Variants in TNK1 observed in about 807,000 individuals in gnomAD.
The protein encoded by TNK1 is non-receptor tyrosine-protein kinase TNK1.
Under a neutral mutation model 65.2 loss-of-function variants are expected in TNK1, and 53 were observed. The observed-to-expected ratio is 0.81, with a 90% CI of 0.65 to 1.02. The LOEUF (loss-of-function observed/expected upper bound fraction) is 1.02, where lower values mean the gene tolerates loss of function less well. Ranked by LOEUF, TNK1 falls within the 50% of genes least tolerant of loss-of-function variation. The pLI, the probability that TNK1 is intolerant of heterozygous loss-of-function variation, is 0.00. For synonymous variants in TNK1, 353 were observed against 364.6 expected, an observed-to-expected ratio of 0.97 and a Z score of 0.36; for missense variants, 837 against 878.4, an observed-to-expected ratio of 0.95 and a Z score of 0.60.
In TNK1 at chr17:7,382,739, A is replaced by C; in HGVS notation, c.-91-97A>C. ...GTACCCGGATGCCTGGGCACGGGGA[A>C]CATTCTATCTGGGATTTGTGTGCGT... is the stretch of plus-strand genomic sequence containing the variant. On this transcript the variant is annotated intron_variant, in intron 1 of 12. Transcript: ENST00000688331. This position sits in a 1 kb window ranked among gnomAD's most constrained non-coding sequence, Gnocchi z 4.1. 3.1e-6 allele frequency: 2 copies of C among 643,520 alleles called. No homozygotes were observed. Among genetic ancestry groups the C allele is most frequent in the East Asian group, 2.8e-5 (1 of 35,616 alleles). 39.9% of individuals were successfully genotyped at this position (643,520 alleles called of 1,614,324 possible).
rs1341441450 is a variant in TNK1 at position 7,384,770 on chromosome 17, C to T, written c.1137+16C>T. On this transcript the variant is annotated intron_variant, in intron 7 of 12. Coordinates refer to ENST00000688331, the MANE Select transcript of TNK1 (RefSeq NM_003985.6). The stretch of plus-strand genomic sequence containing the variant: ...GCTGCAAGAGGTGGGAACCCCCGAC[C>T]TCACCAGATACACAGTCCCTCTTCC... The T allele has an allele frequency of 5.1e-6, 8 of 1,560,910 alleles. No homozygotes were observed. The highest frequency in any genetic ancestry group is 6.9e-6 in the Non-Finnish European group (8 of 1,160,456).
Position 7,384,685 on chromosome 17 carries a change from C to T in TNK1, c.1068C>T (p.Ala356=). The T allele has an allele frequency of 6.3e-7, 1 of 1,596,718 alleles. No homozygotes were observed. The highest frequency in any genetic ancestry group is 8.5e-7 in the Non-Finnish European group (1 of 1,173,230). ...PLCSRALYSL[A]LRCWAPHPAD... ...GCTCCAGGGCCCTCTACTCCCTCGC[C>T]TTGCGCTGCTGGGCCCCCCACCCTG... The change falls in exon 7 of 13, where the codon GCC becomes GCT. Residue 356 remains alanine, a synonymous_variant. Coordinates refer to ENST00000688331, the MANE Select transcript of TNK1 (RefSeq NM_003985.6).
chr17:7,387,037 T>C lies in TNK1; in HGVS notation c.1280T>C (p.Val427Ala), dbSNP rs2143143556. 4 of 1,605,706 alleles carry C rather than the reference T, an allele frequency of 2.5e-6. No homozygotes were observed. The highest frequency in any genetic ancestry group is 1.1e-5 in the South Asian group (1 of 89,266). Residue 427 changes from valine (V) to alanine (A), a missense_variant, in exon 9 of 13, where the codon GTG becomes GCG. Transcript: ENST00000688331. The stretch of plus-strand genomic sequence containing the variant: ...GGCCAGAATGGTCGCACCTTCAAAG[T>C]GGGCAGCTTCCCAGCCTCGGCAGTG... ...WKGQNGRTFK[V>A]GSFPASAVTL... is the part of the protein sequence containing the mutation.
Position 7,388,748 on chromosome 17 carries a change from G to A in TNK1, c.1777-40G>A. ...GGCCTGGTGTCCAGAAGGGGCTACA[G>A]GCAGGGGCAGGGGCCTGAGTGAGGC... On this transcript the variant is annotated intron_variant, in intron 11 of 12. Coordinates refer to ENST00000688331, the MANE Select transcript of TNK1 (RefSeq NM_003985.6). The surrounding 1 kb of genome is among the most constrained non-coding windows in gnomAD (Gnocchi z 4.5). The A allele has an allele frequency of 6.2e-7, 1 of 1,604,348 alleles. No individual in the cohort carries two copies. Among genetic ancestry groups the A allele is most frequent in the Non-Finnish European group, 8.5e-7 (1 of 1,174,702 alleles).
In TNK1 at chr17:7,384,895, A is replaced by C. The variant is rs568748721; in HGVS notation, c.1137+141A>C. On this transcript the variant is annotated intron_variant, in intron 7 of 12. Transcript: ENST00000688331. ...TCTGAGCAAAACAGATGCAGTCCCT[A>C]CCTGCAGGGAGATCAGAGCCCTGGG... The C allele has an allele frequency of 3.5e-6, 4 of 1,159,402 alleles. No individual in the cohort carries two copies. In the African/African-American group the frequency reaches 4.6e-5, roughly 13 times the overall value. The allele number at this position is 1,159,402 out of a possible 1,614,324, so 71.8% of individuals were successfully genotyped here. A position where few individuals can be genotyped will look rare whatever the true frequency, so the allele number is the denominator to read the frequency against.
chr17:7,383,031 A>G lies in TNK1; in HGVS notation c.105A>G (p.Pro35=). ...PILEELNVTR[P]EHFDFVKPED... ...TTGAGGAGCTTAATGTCACTCGGCC[A>G]GAGCACTTCGACTTTGTAAAGCCTG... The change falls in exon 2 of 13, where the codon CCA becomes CCG. Residue 35 remains proline (P), a synonymous_variant. Transcript: ENST00000688331. The G allele has an allele frequency of 1.2e-6, 2 of 1,614,046 alleles. No individual in the cohort carries two copies. Among genetic ancestry groups the G allele is most frequent in the Non-Finnish European group, 8.5e-7 (1 of 1,179,888 alleles).
intron 1 of TNK1, among the ~76,000 whole-genome samples, chr17:7,381,961 TC>T (rs1904839416): frequency 1.3e-5 from 2 of 152,218 alleles, no homozygotes; most frequent in South Asian, 4.1e-4. Context: ...TGCTGAAATG[TC>T]TCAGCGTTAA....
chr17:7,386,775 T>C, intron 8 of TNK1, 120 bp downstream of exon 8: 4 of 1,102,694 alleles, frequency 3.6e-6, no homozygotes, highest in Non-Finnish European at 5.3e-6. Context: ...TCATCTCCTC[T>C]CCCCACTGGG....
intron 7 of TNK1, among the ~76,000 whole-genome samples, chr17:7,385,211 C>A (rs140006032): frequency 6.6e-6 from 1 of 151,864 alleles, no homozygotes; most frequent in Non-Finnish European, 1.5e-5. Context: ...CTAAAAAATA[C>A]AAAATTAGCT....
Position 7,383,294 on chromosome 17 carries a change from C to A in TNK1, c.208C>A (p.Pro70Thr), listed in dbSNP as rs748399921. The A allele has an allele frequency of 6.2e-7, 1 of 1,614,020 alleles. No individual in the cohort carries two copies. Among genetic ancestry groups the A allele is most frequent in the Non-Finnish European group, 8.5e-7 (1 of 1,179,894 alleles). ...AGCTCTGAAAAGGCTACGTTCTGGGCCTAAGTCTAAGAACTGGGTCTACAA... is the reference window on the plus strand; with the variant it reads ...AGCTCTGAAAAGGCTACGTTCTGGGACTAAGTCTAAGAACTGGGTCTACAA... ...SEALKRLRSG[P>T]KSKNWVYKIL... Residue 70 changes from proline to threonine, a missense_variant, in exon 3 of 13, where the codon CCT becomes ACT. Transcript: ENST00000688331.
At position 7,384,560 on chromosome 17, in the gene TNK1, G is replaced by A; in HGVS notation, c.943G>A (p.Glu315Lys). ...GTGGATGTTTGGGGTGACGCTGTGG[G>A]AGATGTTCTCCGGGGGCGAGGAACC... is the stretch of plus-strand genomic sequence containing the variant. The part of the protein sequence containing the change: ...DVWMFGVTLW[E>K]MFSGGEEPWA... The change falls in exon 7 of 13, where the codon GAG becomes AAG. Residue 315 changes from glutamate to lysine, a missense_variant. Coordinates refer to ENST00000688331, the MANE Select transcript of TNK1 (RefSeq NM_003985.6). 6.2e-7 allele frequency: 1 copy of A among 1,611,102 alleles called. No individual in the cohort carries two copies. Among genetic ancestry groups the A allele is most frequent in the Non-Finnish European group, 8.5e-7 (1 of 1,178,440 alleles).
rs996614733 is a variant in TNK1, at chr17:7,389,185, G to A, written c.*101G>A. ...GAACCAGAACAAGGTCCCGACAGGG[G>A]TAGACGTTCCACCTGGGGAGATCCC... On this transcript the variant is annotated 3_prime_UTR_variant, in exon 13 of 13. Transcript: ENST00000688331. 8.1e-5 allele frequency: 78 copies of A among 957,132 alleles called. No individual in the cohort carries two copies. Among genetic ancestry groups the A allele is most frequent in the African/African-American group, 1.3e-4 (8 of 60,998 alleles). The allele number at this position is 957,132 out of a possible 1,614,324, so 59.3% of individuals were successfully genotyped here.
intron 10 of TNK1, 58 bp downstream of exon 10, chr17:7,387,515 A>AC: frequency 1.4e-6 from 2 of 1,406,292 alleles, no homozygotes; most frequent in Middle Eastern, 3.5e-4. Flanking sequence ...TTCAATTCCG[A>AC]CCCCCTGCCC....
At chr17:7,386,765 T>C (rs912372578) in intron 8 of TNK1, 110 bp downstream of exon 8, 52 of 1,125,186 alleles carry the variant, frequency 4.6e-5, no homozygotes, top group Non-Finnish European at 6.4e-5. Context: ...ATCTTCTGTC[T>C]CATCTCCTCT....
chr17:7,382,865 C>T lies in TNK1; in HGVS notation c.-62C>T. The T allele has an allele frequency of 6.3e-7, 1 of 1,585,334 alleles. No individual in the cohort carries two copies. The highest frequency in any genetic ancestry group is 8.6e-7 in the Non-Finnish European group (1 of 1,162,186). ...AGCTGGAGACCTGGTCTCTCTAGGG[C>T]CTACCCTGAGCTCACCATCTGAAGG... On this transcript the variant is annotated 5_prime_UTR_variant, in exon 2 of 13. Transcript: ENST00000688331. This position sits in a 1 kb window ranked among gnomAD's most constrained non-coding sequence, Gnocchi z 4.1.
chr17:7,388,996 GC>G lies in TNK1; in HGVS notation c.1900del (p.Arg634GlyfsTer98). ...GTAGATCAGCTCTTCCACCTGAGTA[GC>G]CGGTCCAGAGCTGACTGCTGGCGCA... Reference protein sequence around the residue: ...LKVDQLFHLSSRSRADCWRIL... With the variant: ...LKVDQLFHLSXRSRADCWRIL... On this transcript the variant is annotated frameshift_variant, in exon 13 of 13. Transcript: ENST00000688331. LOFTEE classifies it high-confidence loss of function. This position sits in a 1 kb window ranked among gnomAD's most constrained non-coding sequence, Gnocchi z 4.5. 1 of 1,554,496 alleles carries G rather than the reference GC, an allele frequency of 6.4e-7. No individual in the cohort carries two copies. Among genetic ancestry groups the G allele is most frequent in the Non-Finnish European group, 8.7e-7 (1 of 1,148,524 alleles).
chr17:7,386,774 C>A, intron 8 of TNK1, 119 bp downstream of exon 8: 1 of 1,106,718 alleles, frequency 9.0e-7, no homozygotes, highest in Non-Finnish European at 1.3e-6. Flanking sequence ...CTCATCTCCT[C>A]TCCCCACTGG....
intron 2 of TNK1, 72 bp from the exon 3 acceptor site, chr17:7,383,178 C>T (rs754509649): frequency 1.9e-6 from 3 of 1,611,872 alleles, no homozygotes; most frequent in South Asian, 2.2e-5. Flanking sequence ...CAGCCCTTTT[C>T]TTCCCTGTAA....
rs1904864356 is a variant in TNK1, at chr17:7,382,322, A to G, written c.-91-514A>G. ...GAGTCTCGGCCATGTTTTGCAGTAT[A>G]TCTGTAGGTCTCAGTGTGTGTGTGT... On this transcript the variant is annotated intron_variant, in intron 1 of 12. Transcript: ENST00000688331. This position sits in a 1 kb window ranked among gnomAD's most constrained non-coding sequence, Gnocchi z 4.1. 6.6e-6 allele frequency among the ~76,000 whole-genome samples: 1 copy of G among 151,084 alleles called. No individual in the cohort carries two copies. The highest frequency in any genetic ancestry group is 1.5e-5 in the Non-Finnish European group (1 of 67,958).
Sources: gnomAD v4.1 joint callset for allele counts (sites outside exome capture counted in the v4.1 genomes callset) on GRCh38, gnomAD v4.1.1 for gene constraint, Gnocchi (gnomAD v3.1) non-coding constraint, MANE v1.5 for transcripts, NCBI Gene and HGNC (gene_info 2026-07-23, HGNC 2026-07-21) for gene names.